ELAVL1: variants seen among roughly 807,000 people sequenced by gnomAD.
The protein encoded by ELAVL1 is ELAV like RNA binding protein 1, also known as ELAV-like protein 1.
ELAVL1 carries 1 observed loss-of-function variant against 28.4 expected under a neutral mutation model. That is an observed-to-expected ratio of 0.04 (90% confidence interval 0.01 to 0.17). The LOEUF (loss-of-function observed/expected upper bound fraction) is 0.17, where lower values mean the gene tolerates loss of function less well. Among genes scored for constraint, ELAVL1 ranks in the 10% least tolerant of loss-of-function variants. The pLI is 1.00. For missense variants in ELAVL1, 157 were observed against 447.2 expected (o/e 0.35, Z 5.85); for synonymous variants, 174 against 183.5 (o/e 0.95, Z 0.42).
In ELAVL1 at chr19:7,979,546, T is replaced by C. The variant is rs1371280712; in HGVS notation, c.276+1537A>G. On this transcript the variant is annotated intron_variant, in intron 3 of 5. Coordinates refer to ENST00000407627, the MANE Select transcript of ELAVL1 (RefSeq NM_001419.3). The surrounding 1 kb of genome is among the most constrained non-coding windows in gnomAD (Gnocchi z 5.4). ...CAAGAACCTTCACACATTTTCTAAATAGGGGAGAGAATTCCTAGATGGGGA... is the reference window on the plus strand; with the variant it reads ...CAAGAACCTTCACACATTTTCTAAACAGGGGAGAGAATTCCTAGATGGGGA... Among the ~76,000 whole-genome samples the C allele has an allele frequency of 6.6e-6, 1 of 152,162 alleles. No individual in the cohort carries two copies. The highest frequency in any genetic ancestry group is 1.5e-5 in the Non-Finnish European group (1 of 68,006).
chr19:7,992,223 G>C (rs555409437), intron 1 of ELAVL1, among the ~76,000 whole-genome samples: 1 of 152,288 alleles, frequency 6.6e-6, no homozygotes, highest in South Asian at 2.1e-4. Context: ...TTAGAGGCAT[G>C]AGCCACAGCA....
chr19:7,984,228 G>A (rs1220376858), intron 2 of ELAVL1, among the ~76,000 whole-genome samples: 2 of 152,308 alleles, frequency 1.3e-5, no homozygotes, highest in Non-Finnish European at 2.9e-5. Flanking sequence ...GTGCTTGGCT[G>A]GGAGTTAGTG....
At chr19:7,964,504 G>A (rs74256517) in intron 5 of ELAVL1, among the ~76,000 whole-genome samples, 1,702 of 152,202 alleles carry the variant, frequency 0.011, 22 homozygotes, top group East Asian at 0.051. Context: ...CACACGTGGG[G>A]CTCTTTCCAC....
intron 5 of ELAVL1, among the ~76,000 whole-genome samples, chr19:7,965,372 G>A (rs900797214): frequency 3.9e-5 from 6 of 152,138 alleles, no homozygotes; most frequent in East Asian, 3.9e-4. Context: ...CAATGCGCCC[G>A]GCCTTCTTAG....
At chr19:7,984,372 T>C (rs1486268164) in intron 2 of ELAVL1, among the ~76,000 whole-genome samples, 7 of 152,156 alleles carry the variant, frequency 4.6e-5, no homozygotes, top group Non-Finnish European at 4.4e-5. Flanking sequence ...GGAGATATTT[T>C]AAACCTCTGC....
At position 7,986,924 on chromosome 19, in the gene ELAVL1, G is replaced by A. The variant is rs1427057199; in HGVS notation, c.172+4720C>T. Among the ~76,000 whole-genome samples, 17 of 152,216 alleles carry A rather than the reference G, an allele frequency of 1.1e-4. No homozygotes were observed. In the East Asian group the frequency reaches 3.3e-3, roughly 29 times the overall value. On this transcript the variant is annotated intron_variant, in intron 2 of 5. Transcript: ENST00000407627. ...TGTGCCCAAAAGCTAACAGCGGTATGATTGTGGGTGATTTTTTGTTTGTTT... is the reference window on the plus strand; with the variant it reads ...TGTGCCCAAAAGCTAACAGCGGTATAATTGTGGGTGATTTTTTGTTTGTTT...
chr19:7,973,686 G>C (rs1419714606), intron 4 of ELAVL1, 39 bp downstream of exon 4: 5 of 1,593,198 alleles, frequency 3.1e-6, no homozygotes, highest in Non-Finnish European at 4.3e-6. Flanking sequence ...CCCCCACCTA[G>C]AGAACACCCT....
At chr19:7,988,938 A>G (rs1304045129) in intron 2 of ELAVL1, among the ~76,000 whole-genome samples, 3 of 152,212 alleles carry the variant, frequency 2.0e-5, no homozygotes, top group Non-Finnish European at 2.9e-5. Flanking sequence ...GGAGAGCTGG[A>G]GACGCTATTA....
chr19:7,983,688 G>T (rs988435423), intron 2 of ELAVL1, among the ~76,000 whole-genome samples: 3 of 152,126 alleles, frequency 2.0e-5, no homozygotes, highest in African/African-American at 4.8e-5. Context: ...CCTAAGTGCT[G>T]CTTGAGAAAG....
chr19:8,004,263 C>T (rs1343359732), intron 1 of ELAVL1, among the ~76,000 whole-genome samples: 11 of 152,230 alleles, frequency 7.2e-5, no homozygotes, highest in Non-Finnish European at 1.5e-4. Flanking sequence ...TCAATTTGCA[C>T]CACACTTTTG....
rs1284052387 is a variant in ELAVL1, at chr19:7,967,508, G to A, written c.656+57C>T. Reference sequence around the variant, plus strand: ...GTGGTTTCTATTCTGTGGCTGTGCCGTCGCCTGCCAGCGGGGCTAAGTATG... The same window carrying A: ...GTGGTTTCTATTCTGTGGCTGTGCCATCGCCTGCCAGCGGGGCTAAGTATG... On this transcript the variant is annotated intron_variant, in intron 5 of 5. Transcript: ENST00000407627. 22 of 1,571,100 alleles carry A rather than the reference G, an allele frequency of 1.4e-5. No homozygotes were observed. In the Admixed American group the frequency reaches 1.6e-4, roughly 12 times the overall value.
chr19:7,978,443 T>C (rs553988032), intron 3 of ELAVL1, among the ~76,000 whole-genome samples: 3 of 152,186 alleles, frequency 2.0e-5, no homozygotes, highest in African/African-American at 4.8e-5. Flanking sequence ...CAATCGGTCA[T>C]GCATTCGTAA....
At chr19:7,991,337 G>C (rs1030231589) in intron 2 of ELAVL1, among the ~76,000 whole-genome samples, 10 of 152,234 alleles carry the variant, frequency 6.6e-5, no homozygotes, top group African/African-American at 2.2e-4. Context: ...AGCCAGGTCA[G>C]GCTGTGGTTC....
chr19:8,005,209 C>T (rs961419818), intron 1 of ELAVL1, among the ~76,000 whole-genome samples: 4 of 152,060 alleles, frequency 2.6e-5, no homozygotes, highest in Admixed American at 6.5e-5. Context: ...GCGACCGGGG[C>T]CCCCGGCCGT....
chr19:7,978,342 G>A, intron 3 of ELAVL1, among the ~76,000 whole-genome samples: 1 of 152,224 alleles, frequency 6.6e-6, no homozygotes, highest in East Asian at 1.9e-4. Context: ...AGACGGCTGG[G>A]GCTGTGAGCT....
At chr19:7,967,483 G>A (rs151199397) in intron 5 of ELAVL1, 82 bp downstream of exon 5, 48 of 1,445,886 alleles carry the variant, frequency 3.3e-5, no homozygotes, top group South Asian at 7.7e-5. Flanking sequence ...TATCATCCCC[G>A]TGGTTTCTAT....
At chr19:7,987,144 GGAGA>G (rs1419279334) in intron 2 of ELAVL1, among the ~76,000 whole-genome samples, 1 of 150,974 alleles carries the variant, frequency 6.6e-6, no homozygotes, top group African/African-American at 2.4e-5. Context: ...CAGCAAGTGG[GGAGA>G]GGGGGCAGGC....
chr19:7,970,522 C>CAG (rs1985078535), intron 4 of ELAVL1, among the ~76,000 whole-genome samples: 4 of 152,158 alleles, frequency 2.6e-5, no homozygotes, highest in African/African-American at 9.7e-5. Context: ...CTCAGGTGAT[C>CAG]CACCCACCTT....
In ELAVL1 at chr19:7,991,257, C is replaced by T. The variant is rs569792735; in HGVS notation, c.172+387G>A. Among the ~76,000 whole-genome samples, 9 of 152,330 alleles carry T rather than the reference C, an allele frequency of 5.9e-5. No homozygotes were observed. In the South Asian group the frequency reaches 1.9e-3, roughly 32 times the overall value. On this transcript the variant is annotated intron_variant, in intron 2 of 5. Transcript: ENST00000407627. ...GGACAGACAGGGGCAGGCCTACCTG[C>T]ACCTGCCCTGGACAGTACACTCGCC... is the stretch of plus-strand genomic sequence containing the variant.
Sources: allele counts gnomAD v4.1 joint callset (sites outside exome capture counted in the v4.1 genomes callset), GRCh38; gene constraint gnomAD v4.1.1; non-coding constraint Gnocchi (gnomAD v3.1); transcripts MANE v1.5; gene names NCBI Gene and HGNC (gene_info 2026-07-23, HGNC 2026-07-21).